Variants in MRPL43 observed in about 807,000 individuals in gnomAD.
The protein encoded by MRPL43 is mitochondrial ribosomal protein L43, also known as large ribosomal subunit protein mL43.
MRPL43 carries 9 observed loss-of-function variants against 12.7 expected under a neutral mutation model. The observed-to-expected ratio is 0.71, with a 90% CI of 0.43 to 1.24. The LOEUF (loss-of-function observed/expected upper bound fraction) is 1.24. Among genes scored for constraint, MRPL43 ranks in the 50% most tolerant of loss-of-function variants. The pLI, the probability that MRPL43 is intolerant of heterozygous loss-of-function variation, is 0.00. For missense variants in MRPL43, 211 were observed against 229.2 expected (o/e 0.92, Z 0.51); for synonymous variants, 116 against 96.4 (o/e 1.20, Z -1.19).
At chr10:100,981,279 G>A (rs775319259), downstream of MRPL43, 2 of 1,599,078 alleles carry the variant, frequency 1.3e-6, no homozygotes, top group South Asian at 1.1e-5. Context: ...TGTCCTCTTT[G>A]CCATTTACTG....
downstream of MRPL43, chr10:100,980,908 C>T: frequency 1.2e-6 from 2 of 1,612,640 alleles, no homozygotes; most frequent in Non-Finnish European, 8.5e-7. Flanking sequence ...ATGACTGCAT[C>T]TTGGCCCGAG....
chr10:100,979,494 T>C (rs562958096), downstream of MRPL43: 2 of 1,240,514 alleles, frequency 1.6e-6, no homozygotes, highest in South Asian at 3.1e-5. Context: ...GTGATTATCC[T>C]GCCTCGGCCT....
chr10:100,984,714 TC>T, downstream of MRPL43: 1 of 1,536,116 alleles, frequency 6.5e-7, no homozygotes, highest in Non-Finnish European at 8.7e-7. Flanking sequence ...TGGGGTACCC[TC>T]CCAATTGCCA....
downstream of MRPL43, among the ~76,000 whole-genome samples, chr10:100,986,052 G>A (rs770339152): frequency 2.6e-5 from 4 of 152,172 alleles, no homozygotes; most frequent in African/African-American, 7.2e-5. Flanking sequence ...AGAGGGACGT[G>A]GGGGGAAGGA....
At chr10:100,984,229 C>G, downstream of MRPL43, 1 of 1,474,458 alleles carries the variant, frequency 6.8e-7, no homozygotes, top group Non-Finnish European at 8.9e-7. Flanking sequence ...TCATTACCCC[C>G]ACTCCATACC....
rs1348771986 is a variant in MRPL43, at chr10:100,986,444, T to C, written c.*290A>G. 2 of 1,524,296 alleles carry C rather than the reference T, an allele frequency of 1.3e-6. No individual in the cohort carries two copies. Among genetic ancestry groups the C allele is most frequent in the Admixed American group, 2.2e-5 (1 of 44,890 alleles). The allele number at this position is 1,524,296 out of a possible 1,614,324, so 94.4% of individuals were successfully genotyped here. ...ACCTCTCACTGTGTTTTGAGATCATTATTATCAATTTGGATTTAAAAAACA... is the reference window on the plus strand; with the variant it reads ...ACCTCTCACTGTGTTTTGAGATCATCATTATCAATTTGGATTTAAAAAACA... On this transcript the variant is annotated 3_prime_UTR_variant, in exon 3 of 3. Transcript: ENST00000318364.
chr10:100,986,886 A>G lies in MRPL43; in HGVS notation c.328T>C (p.Leu110=), dbSNP rs1483754844. The G allele has an allele frequency of 1.9e-6, 3 of 1,613,144 alleles. No individual in the cohort carries two copies. Among genetic ancestry groups the G allele is most frequent in the East Asian group, 4.5e-5 (2 of 44,866 alleles). Reference sequence around the variant, plus strand: ...GGCTTGCGGATGCGGATCACGTCCAAGCCCGACTGGTCGGCCAGCTTCTGC... The same window carrying G: ...GGCTTGCGGATGCGGATCACGTCCAGGCCCGACTGGTCGGCCAGCTTCTGC... ...LVQKLADQSG[L]DVIRIRKPFH... Residue 110 remains leucine (L), a synonymous_variant, in exon 3 of 3, where the codon TTG becomes CTG. Transcript: ENST00000318364.
downstream of MRPL43, among the ~76,000 whole-genome samples, chr10:100,982,618 C>G (rs1159814438): frequency 6.6e-6 from 1 of 152,144 alleles, no homozygotes; most frequent in African/African-American, 2.4e-5. Flanking sequence ...ATGGTGAAAC[C>G]CTGTCTCTAC....
downstream of MRPL43, chr10:100,979,386 A>ATTT: frequency 7.5e-6 from 11 of 1,464,784 alleles, no homozygotes; most frequent in South Asian, 7.4e-5. Flanking sequence ...CAAAGTGAGA[A>ATTT]TTTTTTTTTT....
downstream of MRPL43, chr10:100,983,177 G>A: frequency 8.8e-7 from 1 of 1,142,734 alleles, no homozygotes; most frequent in East Asian, 2.6e-5. Context: ...ACAGAGCCTG[G>A]GTCAGCTGTC....
chr10:100,979,008 G>GTGTC, downstream of MRPL43: 1 of 1,614,018 alleles, frequency 6.2e-7, no homozygotes, highest in Non-Finnish European at 8.5e-7. Context: ...CGTGTGGCTC[G>GTGTC]TGTCTGCAAG....
At chr10:100,986,057 G>A (rs373424309), downstream of MRPL43, among the ~76,000 whole-genome samples, 2 of 152,236 alleles carry the variant, frequency 1.3e-5, no homozygotes, top group Non-Finnish European at 2.9e-5. Context: ...GACGTGGGGG[G>A]AAGGAGATGT....
At chr10:100,983,287 C>T (rs772048733), downstream of MRPL43, 2 of 1,509,846 alleles carry the variant, frequency 1.3e-6, no homozygotes, top group African/African-American at 1.4e-5. Flanking sequence ...GTACTGACCT[C>T]TCCCCCAAAC....
At chr10:100,978,535 C>T (rs1352712085), downstream of MRPL43, 1 of 1,613,984 alleles carries the variant, frequency 6.2e-7, no homozygotes, top group Non-Finnish European at 8.5e-7. Context: ...AGATGGAGGC[C>T]TCTACACAGC....
downstream of MRPL43, chr10:100,979,448 T>C: frequency 6.7e-7 from 1 of 1,483,150 alleles, no homozygotes; most frequent in African/African-American, 1.4e-5. Flanking sequence ...AGTGGCGCGA[T>C]CTCGGCTCAC....
downstream of MRPL43, chr10:100,981,064 G>A (rs1851046705): frequency 6.2e-7 from 1 of 1,601,658 alleles, no homozygotes; most frequent in Admixed American, 1.7e-5. Context: ...GATAGCTACT[G>A]GGGGAGTGCA....
downstream of MRPL43, chr10:100,983,834 G>C (rs773199318): frequency 1.1e-5 from 17 of 1,597,858 alleles, no homozygotes; most frequent in Non-Finnish European, 1.5e-5. Flanking sequence ...AGGAAGATGA[G>C]GGTGATGATG....
At chr10:100,981,689 A>C, downstream of MRPL43, 1 of 983,072 alleles carries the variant, frequency 1.0e-6, no homozygotes, top group Non-Finnish European at 1.5e-6. Context: ...TATTATCCCC[A>C]TGAGGGACCT....
downstream of MRPL43, chr10:100,984,541 C>T: frequency 1.3e-6 from 2 of 1,536,192 alleles, no homozygotes; most frequent in Non-Finnish European, 1.7e-6. Context: ...TCTGCATGGC[C>T]CTGTGTGCTG....
Sources: gnomAD v4.1 joint callset for allele counts (sites outside exome capture counted in the v4.1 genomes callset) on GRCh38, gnomAD v4.1.1 for gene constraint, MANE v1.5 for transcripts, NCBI Gene and HGNC (gene_info 2026-07-23, HGNC 2026-07-21) for gene names.